MROH9: variants seen among roughly 807,000 people sequenced by gnomAD.
MROH9 encodes maestro heat-like repeat-containing protein family member 9.
MROH9 carries 92 observed loss-of-function variants against 98.2 expected under a neutral mutation model. The observed-to-expected ratio is 0.94, with a 90% confidence interval of 0.79 to 1.11. The LOEUF is 1.11. Ranked by LOEUF, MROH9 falls within the 50% of genes most tolerant of loss-of-function variation. The pLI, the probability that MROH9 is intolerant of heterozygous loss-of-function variation, is 0.00. For synonymous variants in MROH9, 397 were observed against 368.9 expected (o/e 1.08, Z -0.87); for missense variants, 1,057 against 1,014.8 (o/e 1.04, Z -0.57).
chr1:170,983,459 T>C lies in MROH9; in HGVS notation c.654T>C (p.His218=), dbSNP rs1176424433. The C allele has an allele frequency of 3.1e-6, 5 of 1,613,104 alleles. No homozygotes were observed. Among genetic ancestry groups the C allele is most frequent in the Non-Finnish European group, 3.4e-6 (4 of 1,179,498 alleles). The change falls in exon 9 of 22, where the codon CAT becomes CAC. Residue 218 remains histidine, a synonymous_variant. Transcript: ENST00000367759. ...GTNKPTNGKS[H]SLQFPSSDVE... ...ATAAGCCTACAAACGGTAAAAGTCA[T>C]AGCCTCCAGTTTCCTTCTTCTGATG...
intron 8 of MROH9, among the ~76,000 whole-genome samples, chr1:170,979,425 GT>G (rs1650842196): frequency 2.0e-5 from 3 of 152,150 alleles, no homozygotes; most frequent in Admixed American, 2.0e-4. Context: ...ATTTAAAGGA[GT>G]GAGCAAAAAC....
At chr1:171,023,714 T>A (rs1652594773) in intron 17 of MROH9, among the ~76,000 whole-genome samples, 2 of 152,178 alleles carry the variant, frequency 1.3e-5, no homozygotes, top group South Asian at 4.1e-4. Context: ...TCAAACAAAA[T>A]TAACATAGCC....
chr1:170,998,200 T>A lies in MROH9; in HGVS notation c.1522T>A (p.Tyr508Asn). 6.2e-7 allele frequency: 1 copy of A among 1,612,504 alleles called. No individual in the cohort carries two copies. The change falls in exon 15 of 22, where the codon TAT becomes AAT. Residue 508 changes from tyrosine to asparagine, a missense_variant. Tyr to Asn is a moderately radical substitution (Grantham distance 143, BLOSUM62 -2). Transcript: ENST00000367759. The part of the protein sequence containing the change: ...NFPQFPETLS[Y>N]LYKLSVEGPR... ...TCCACAGTTTCCGGAGACCCTGAGT[T>A]ATCTCTATAAGCTCTCAGTAGAAGG...
chr1:171,039,034 C>A (rs894764340), intron 20 of MROH9, among the ~76,000 whole-genome samples: 2 of 152,160 alleles, frequency 1.3e-5, no homozygotes, highest in Non-Finnish European at 2.9e-5. Flanking sequence ...GAAGCCTGTA[C>A]TTCCTGTTCA....
intron 6 of MROH9, among the ~76,000 whole-genome samples, chr1:170,964,354 G>A (rs989938325): frequency 1.5e-5 from 1 of 66,952 alleles, no homozygotes; most frequent in Non-Finnish European, 3.0e-5. Context: ...GGACAAGGCA[G>A]AGAGGCTGAC....
chr1:170,981,470 T>C (rs574876828), intron 8 of MROH9, among the ~76,000 whole-genome samples: 2 of 152,268 alleles, frequency 1.3e-5, no homozygotes, highest in South Asian at 4.1e-4. Context: ...GGGACATGGA[T>C]GAAGCTGGAA....
At position 170,996,571 on chromosome 1, in the gene MROH9, C is replaced by A. The variant is rs1229932029; in HGVS notation, c.1402C>A (p.Leu468Ile). The A allele has an allele frequency of 3.7e-6, 6 of 1,613,560 alleles. No individual in the cohort carries two copies. The highest frequency in any genetic ancestry group is 5.1e-6 in the Non-Finnish European group (6 of 1,179,650). ...TGGACTGCAACAGGTGGATATTACTCTAATGAAGGAGAATTTCTGGGACCA... is the reference window on the plus strand; with the variant it reads ...TGGACTGCAACAGGTGGATATTACTATAATGAAGGAGAATTTCTGGGACCA... ...CSGLQQVDIT[L>I]MKENFWDQLS... The change falls in exon 14 of 22, where the codon CTA becomes ATA. Residue 468 changes from leucine (L) to isoleucine (I), a missense_variant. Transcript: ENST00000367759.
chr1:171,062,095 C>T (rs976263350), intron 20 of MROH9, 37 bp from the exon 21 acceptor site: 1 of 1,280,640 alleles, frequency 7.8e-7, no homozygotes, highest in Admixed American at 2.1e-5. Context: ...TTTCATAATG[C>T]ATGTTGCAGT....
intron 9 of MROH9, among the ~76,000 whole-genome samples, chr1:170,983,855 T>G (rs1452546304): frequency 6.6e-6 from 1 of 152,234 alleles, no homozygotes; most frequent in Non-Finnish European, 1.5e-5. Context: ...CTTCTGCTTA[T>G]TTAGAAAAAT....
intron 15 of MROH9, among the ~76,000 whole-genome samples, chr1:171,001,889 T>C (rs1168189103): frequency 6.6e-6 from 1 of 152,172 alleles, no homozygotes; most frequent in African/African-American, 2.4e-5. Flanking sequence ...ATTTTAGGTC[T>C]ATTAGTAATT....
chr1:171,035,786 T>C (rs979792785), intron 20 of MROH9, among the ~76,000 whole-genome samples: 2 of 152,202 alleles, frequency 1.3e-5, no homozygotes, highest in African/African-American at 4.8e-5. Flanking sequence ...GTCAAGGATA[T>C]GGAGCAAACA....
chr1:170,978,107 A>C (rs1056134798), intron 8 of MROH9, among the ~76,000 whole-genome samples: 5 of 152,142 alleles, frequency 3.3e-5, no homozygotes, highest in Non-Finnish European at 5.9e-5. Context: ...CTTGAGCTCT[A>C]CTTCCAAGAA....
intron 20 of MROH9, among the ~76,000 whole-genome samples, chr1:171,048,962 C>G (rs1174997797): frequency 6.6e-6 from 1 of 152,184 alleles, no homozygotes; most frequent in African/African-American, 2.4e-5. Context: ...GGACCTGGAA[C>G]AGGGCCTCAT....
chr1:170,961,867 T>C (rs745567437), intron 5 of MROH9, 23 bp from the exon 6 acceptor site: 14 of 1,233,648 alleles, frequency 1.1e-5, no homozygotes, highest in Middle Eastern at 2.2e-4. Flanking sequence ...TCTGGCTGAC[T>C]GTGCAATGTT....
rs536639903 is a variant in MROH9 at position 171,010,796 on chromosome 1, G to T, written c.1597-3321G>T. On this transcript the variant is annotated intron_variant, in intron 15 of 21. Transcript: ENST00000367759. ...TTCATGGGGTTGTTTTTTTGTTTTG[G>T]TTTTTTTTGTAAATTTGTTCAAGTT... is the stretch of plus-strand genomic sequence containing the variant. 2.6e-4 allele frequency among the ~76,000 whole-genome samples: 40 copies of T among 151,476 alleles called. 1 individual carries two copies. Among genetic ancestry groups the T allele is most frequent in the South Asian group, 1.2e-3 (6 of 4,804 alleles).
At chr1:171,003,936 G>T (rs1399564913) in intron 15 of MROH9, among the ~76,000 whole-genome samples, 1 of 152,090 alleles carries the variant, frequency 6.6e-6, no homozygotes, top group Non-Finnish European at 1.5e-5. Context: ...TAGGGGATGG[G>T]GGTGAGAGTC....
intron 5 of MROH9, among the ~76,000 whole-genome samples, chr1:170,960,377 C>T (rs1163884354): frequency 1.3e-5 from 2 of 152,030 alleles, no homozygotes; most frequent in African/African-American, 4.8e-5. Context: ...AGAAAAATAA[C>T]TTCTGAGTTA....
chr1:171,002,764 T>A (rs1331366822), intron 15 of MROH9, among the ~76,000 whole-genome samples: 1 of 152,192 alleles, frequency 6.6e-6, no homozygotes, highest in African/African-American at 2.4e-5. Flanking sequence ...ATTTCCCAGC[T>A]CTTCTTTGAG....
chr1:170,960,756 A>C (rs562970227), intron 5 of MROH9, among the ~76,000 whole-genome samples: 22 of 152,216 alleles, frequency 1.4e-4, no homozygotes, highest in African/African-American at 5.3e-4. Context: ...TCAAGTAGCT[A>C]GGACTACAGA....
Sources: gnomAD v4.1 joint callset for allele counts (sites outside exome capture counted in the v4.1 genomes callset) on GRCh38, gnomAD v4.1.1 for gene constraint, MANE v1.5 for transcripts, NCBI Gene and HGNC (gene_info 2026-07-23, HGNC 2026-07-21) for gene names.